The following CCBE1 variants were observed in gnomAD, a reference collection of about 807,000 sequenced individuals.
The protein encoded by CCBE1 is collagen and calcium binding EGF domains 1.
Under a neutral mutation model 50.0 loss-of-function variants are expected in CCBE1, and 37 were observed. The ratio of observed to expected loss-of-function variants is 0.74; its 90% CI spans 0.57 to 0.97. The LOEUF (loss-of-function observed/expected upper bound fraction) is 0.97. Among genes scored for constraint, CCBE1 ranks in the 50% least tolerant of loss-of-function variants. The pLI is 0.00. For synonymous variants in CCBE1, 234 were observed against 203.7 expected (o/e 1.15, Z -1.27); for missense variants, 538 against 523.8 (o/e 1.03, Z -0.26).
chr18:59,678,205 A>G (rs2054534303), intron 2 of CCBE1, among the ~76,000 whole-genome samples: 1 of 152,188 alleles, frequency 6.6e-6, no homozygotes, highest in South Asian at 2.1e-4. Flanking sequence ...TTAAAACATA[A>G]GTTTCTTACA....
intron 2 of CCBE1, among the ~76,000 whole-genome samples, chr18:59,490,173 C>T (rs568541878): frequency 1.8e-3 from 267 of 151,590 alleles, no homozygotes; most frequent in African/African-American, 5.9e-3. Context: ...TTAGTAGAGA[C>T]GGGGTTTCGC....
chr18:59,543,186 C>T (rs1915536657), intron 2 of CCBE1, among the ~76,000 whole-genome samples: 1 of 152,088 alleles, frequency 6.6e-6, no homozygotes, highest in Admixed American at 6.5e-5. Context: ...ACCCTTGACT[C>T]CCAGGGGCCT....
chr18:59,680,783 C>T lies in CCBE1; in HGVS notation c.212+15846G>A, dbSNP rs150956285. ...GCAGTGGAGATTCCCTTTCATCCAT[C>T]AGGTTACAAACCCAGCCTTAACTAC... On this transcript the variant is annotated intron_variant, in intron 2 of 10. Transcript: ENST00000439986. Among the ~76,000 whole-genome samples, 357 of 152,150 alleles carry T rather than the reference C, an allele frequency of 2.3e-3. 1 individual carries two copies. Among genetic ancestry groups the T allele is most frequent in the African/African-American group, 8.2e-3 (339 of 41,520 alleles).
intron 2 of CCBE1, among the ~76,000 whole-genome samples, chr18:59,599,466 G>C (rs1256267686): frequency 6.6e-6 from 1 of 152,158 alleles, no homozygotes; most frequent in Non-Finnish European, 1.5e-5. Flanking sequence ...AATGGAAACA[G>C]CAACTCTTCT....
At chr18:59,489,020 G>C (rs1912963288) in intron 2 of CCBE1, among the ~76,000 whole-genome samples, 1 of 152,220 alleles carries the variant, frequency 6.6e-6, no homozygotes, top group East Asian at 1.9e-4. Context: ...ACAGGGACCA[G>C]GGTCTCAACC....
intron 5 of CCBE1, chr18:59,465,012 G>C (rs1911673181): frequency 6.6e-6 from 1 of 152,300 alleles, no homozygotes; most frequent in Non-Finnish European, 1.5e-5. Flanking sequence ...GAGGACAGCA[G>C]CTTCCTGGGC....
chr18:59,531,559 G>A (rs551626608), intron 2 of CCBE1, among the ~76,000 whole-genome samples: 1 of 152,176 alleles, frequency 6.6e-6, no homozygotes, highest in Admixed American at 6.5e-5. Context: ...ACCAGCCTGG[G>A]CAACACAGCG....
intron 2 of CCBE1, among the ~76,000 whole-genome samples, chr18:59,551,025 A>AAAAAAG (rs1915905215): frequency 8.7e-6 from 1 of 114,854 alleles, no homozygotes; most frequent in Non-Finnish European, 1.7e-5. Context: ...AAAAAAAAAA[A>AAAAAAG]AAAAGAAAAG....
chr18:59,509,656 A>G (rs934568763), intron 2 of CCBE1, among the ~76,000 whole-genome samples: 1 of 152,190 alleles, frequency 6.6e-6, no homozygotes, highest in African/African-American at 2.4e-5. Flanking sequence ...ACAGCAGCAC[A>G]CCACATAAAA....
intron 2 of CCBE1, among the ~76,000 whole-genome samples, chr18:59,641,777 C>T (rs1285803272): frequency 6.6e-6 from 1 of 152,070 alleles, no homozygotes; most frequent in Non-Finnish European, 1.5e-5. Flanking sequence ...ATAACACGCA[C>T]ACATGAAAAG....
chr18:59,470,475 G>A (rs1383148793), intron 3 of CCBE1, among the ~76,000 whole-genome samples: 7 of 152,180 alleles, frequency 4.6e-5, no homozygotes, highest in East Asian at 1.9e-4. Flanking sequence ...GAGGGCCGAT[G>A]CTTATGTGTG....
chr18:59,629,304 C>T (rs2053824193), intron 2 of CCBE1, among the ~76,000 whole-genome samples: 1 of 152,220 alleles, frequency 6.6e-6, no homozygotes, highest in Non-Finnish European at 1.5e-5. Flanking sequence ...CTGGTCTTTG[C>T]TCAAAGGTCA....
At chr18:59,613,875 T>G (rs1269935370) in intron 2 of CCBE1, among the ~76,000 whole-genome samples, 6 of 106,796 alleles carry the variant, frequency 5.6e-5, no homozygotes, top group Non-Finnish European at 1.1e-4. Flanking sequence ...TTTTTTTTTT[T>G]TTTTTTTTTT....
At position 59,668,236 on chromosome 18, in the gene CCBE1, G is replaced by A. The variant is rs542232617; in HGVS notation, c.212+28393C>T. Among the ~76,000 whole-genome samples, 10 of 152,128 alleles carry A rather than the reference G, an allele frequency of 6.6e-5. No homozygotes were observed. In the East Asian group the frequency reaches 1.2e-3, roughly 18 times the overall value. On this transcript the variant is annotated intron_variant, in intron 2 of 10. Transcript: ENST00000439986. ...AGTTCAAGACCAGCCTGGCCAAGATGGTGAAACCCAGTCTCTACTAAAAAT... is the reference window on the plus strand; with the variant it reads ...AGTTCAAGACCAGCCTGGCCAAGATAGTGAAACCCAGTCTCTACTAAAAAT...
At position 59,460,039 on chromosome 18, in the gene CCBE1, T is replaced by C. The variant is rs574272480; in HGVS notation, c.554-5088A>G. ...ATAAAGACTGGCAAGCTAATTACTA[T>C]TGGAGCCAACATTTCCTTAATTTGT... is the stretch of plus-strand genomic sequence containing the variant. On this transcript the variant is annotated intron_variant, in intron 5 of 10. Transcript: ENST00000439986. 5.3e-5 allele frequency among the ~76,000 whole-genome samples: 8 copies of C among 152,358 alleles called. No individual in the cohort carries two copies. The South Asian group carries it at 1.5e-3, about 28-fold the overall frequency.
chr18:59,513,521 C>T (rs981501259), intron 2 of CCBE1, among the ~76,000 whole-genome samples: 2 of 152,150 alleles, frequency 1.3e-5, no homozygotes, highest in African/African-American at 2.4e-5. Context: ...GTGGAACTTC[C>T]GACACCACAG....
At chr18:59,578,897 A>G (rs1266225506) in intron 2 of CCBE1, among the ~76,000 whole-genome samples, 2 of 152,238 alleles carry the variant, frequency 1.3e-5, no homozygotes, top group African/African-American at 2.4e-5. Context: ...GAGTTTACCT[A>G]TGTAACGAAC....
intron 2 of CCBE1, among the ~76,000 whole-genome samples, chr18:59,525,984 A>G (rs1914803194): frequency 6.6e-6 from 1 of 152,156 alleles, no homozygotes; most frequent in East Asian, 1.9e-4. Context: ...TGTTTTGGTT[A>G]ATGTAGCCTT....
intron 2 of CCBE1, among the ~76,000 whole-genome samples, chr18:59,534,015 A>G (rs775811442): frequency 5.3e-5 from 8 of 151,772 alleles, no homozygotes; most frequent in Non-Finnish European, 8.8e-5. Context: ...AGAGATTCCA[A>G]AGAAAAAAAT....
Sources: gnomAD v4.1 joint callset for allele counts (sites outside exome capture counted in the v4.1 genomes callset) on GRCh38, gnomAD v4.1.1 for gene constraint, MANE v1.5 for transcripts, NCBI Gene and HGNC (gene_info 2026-07-23, HGNC 2026-07-21) for gene names.